The following SRPRA variants were observed in gnomAD, a reference collection of about 807,000 sequenced individuals.
The protein encoded by SRPRA is SRP receptor subunit alpha.
Under a neutral mutation model 61.1 loss-of-function variants are expected in SRPRA, and 30 were observed. That is an observed-to-expected ratio of 0.49 (90% confidence interval 0.37 to 0.67). The LOEUF (loss-of-function observed/expected upper bound fraction) is 0.67. SRPRA is among the 30% of genes least tolerant of loss of function. The pLI, the probability that SRPRA is intolerant of heterozygous loss-of-function variation, is 0.00. For missense variants in SRPRA, 759 were observed against 828.4 expected, an observed-to-expected ratio of 0.92 and a Z score of 1.03; for synonymous variants, 324 against 299.7, an observed-to-expected ratio of 1.08 and a Z score of -0.84.
At position 126,265,039 on chromosome 11, in the gene SRPRA, C is replaced by A; in HGVS notation, c.1445G>T (p.Gly482Val). 6.2e-7 allele frequency: 1 copy of A among 1,614,212 alleles called. No homozygotes were observed. The highest frequency in any genetic ancestry group is 8.5e-7 in the Non-Finnish European group (1 of 1,180,042). The change falls in exon 11 of 14, where the codon GGT becomes GTT. Residue 482 changes from glycine (G) to valine (V), a missense_variant. Transcript: ENST00000332118. This position sits in a 1 kb window ranked among gnomAD's most constrained non-coding sequence, Gnocchi z 6.3. ...AAACAACTGCACCATGGTGCGGCCA[C>A]CATGCTTCTCTGGAGGGTGTAGGGC... ...LSALHPPEKH[G>V]GRTMVQLFEK...
chr11:126,264,472 C>G lies in SRPRA; in HGVS notation c.1593G>C (p.Leu531=). The G allele has an allele frequency of 6.2e-7, 1 of 1,614,142 alleles. No homozygotes were observed. The highest frequency in any genetic ancestry group is 8.5e-7 in the Non-Finnish European group (1 of 1,180,048). The change falls in exon 12 of 14, where the codon CTG becomes CTC. Residue 531 remains leucine, a synonymous_variant. Transcript: ENST00000332118. This position sits in a 1 kb window ranked among gnomAD's most constrained non-coding sequence, Gnocchi z 5.0. ...TAATGAGTTTGGCCAGGGCAGTCAT[C>G]AGAGGGGCATTGTCTTGCATGCGGC... ...TAGRMQDNAP[L]MTALAKLITV...
chr11:126,252,760 C>T, the SRPRA span, among the ~76,000 whole-genome samples: 1 of 152,060 alleles, frequency 6.6e-6, no homozygotes, highest in Non-Finnish European at 1.5e-5. This position sits in a 1 kb window ranked among gnomAD's most constrained non-coding sequence, Gnocchi z 4.7. Context: ...ATAGGCTGGG[C>T]ACAGTGGTTC....
the SRPRA span, among the ~76,000 whole-genome samples, chr11:126,236,002 A>C: frequency 6.6e-6 from 1 of 152,216 alleles, no homozygotes; most frequent in South Asian, 2.1e-4. Flanking sequence ...ACAGAAGAAT[A>C]AATCTCCTAG....
the SRPRA span, among the ~76,000 whole-genome samples, chr11:126,253,550 G>A: frequency 1.3e-4 from 20 of 152,134 alleles, no homozygotes; most frequent in African/African-American, 3.9e-4. The surrounding 1 kb of genome is among the most constrained non-coding windows in gnomAD (Gnocchi z 5.1). Flanking sequence ...AGTAATGGCC[G>A]TGAAACTTTG....
chr11:126,261,827 A>C (rs1368376018), downstream of SRPRA, among the ~76,000 whole-genome samples: 1 of 151,676 alleles, frequency 6.6e-6, no homozygotes, highest in Non-Finnish European at 1.5e-5. Flanking sequence ...TGTTTCTACA[A>C]AAAAAATTTT....
the SRPRA span, among the ~76,000 whole-genome samples, chr11:126,246,968 G>A: frequency 7.7e-6 from 1 of 130,584 alleles, no homozygotes; most frequent in East Asian, 2.3e-4. Flanking sequence ...TCCAGCCTGG[G>A]AAACAAAGCG....
In SRPRA at chr11:126,267,040, A is replaced by G; in HGVS notation, c.527-118T>C. On this transcript the variant is annotated intron_variant, in intron 4 of 13. Coordinates refer to ENST00000332118, the MANE Select transcript of SRPRA (RefSeq NM_003139.4). The surrounding 1 kb of genome is among the most constrained non-coding windows in gnomAD (Gnocchi z 4.2). Reference sequence around the variant, plus strand: ...TGGACCAAACATCTTGGAGTTCATAAGGCCTGGGGATTATAGGATGGTGAC... The same window carrying G: ...TGGACCAAACATCTTGGAGTTCATAGGGCCTGGGGATTATAGGATGGTGAC... The G allele has an allele frequency of 1.3e-6, 2 of 1,520,360 alleles. No homozygotes were observed. 94.2% of individuals were successfully genotyped at this position (1,520,360 alleles called of 1,614,324 possible).
At chr11:126,237,730 G>T in the SRPRA span, among the ~76,000 whole-genome samples, 2 of 145,946 alleles carry the variant, frequency 1.4e-5, no homozygotes, top group Non-Finnish European at 3.0e-5. Flanking sequence ...GGTGGCGCGT[G>T]CCTGTAATCC....
At chr11:126,251,498 G>A in the SRPRA span, among the ~76,000 whole-genome samples, 1 of 152,108 alleles carries the variant, frequency 6.6e-6, no homozygotes, top group Admixed American at 6.6e-5. Flanking sequence ...AGGATTTAAA[G>A]GGAATTGAAT....
the SRPRA span, chr11:126,256,472 C>G: frequency 8.6e-7 from 1 of 1,157,516 alleles, no homozygotes; most frequent in South Asian, 1.5e-5. This position sits in a 1 kb window ranked among gnomAD's most constrained non-coding sequence, Gnocchi z 6.6. Context: ...CTTAATTGGT[C>G]ATCACAGTCT....
At chr11:126,252,144 G>A in the SRPRA span, among the ~76,000 whole-genome samples, 18 of 151,730 alleles carry the variant, frequency 1.2e-4, no homozygotes, top group Admixed American at 7.2e-4. This position sits in a 1 kb window ranked among gnomAD's most constrained non-coding sequence, Gnocchi z 4.7. Context: ...CCGCCATCAC[G>A]TCTGGCTAAT....
rs1950807973 is a variant in SRPRA, at chr11:126,266,264, C to G, written c.855G>C (p.Gly285=). 6.2e-7 allele frequency: 1 copy of G among 1,614,186 alleles called. No individual in the cohort carries two copies. The highest frequency in any genetic ancestry group is 1.1e-5 in the South Asian group (1 of 91,088). ...SEDINLIRGT[G]SGGQLQDLDC... The stretch of plus-strand genomic sequence containing the variant: ...CCAGATCCTGAAGCTGCCCCCCAGA[C>G]CCAGTCCCTCGAATCTGGAAGATAC... Residue 285 remains glycine (G), a synonymous_variant, in exon 7 of 14, where the codon GGG becomes GGC. Transcript: ENST00000332118.
rs1950785526 is a variant in SRPRA, at chr11:126,265,310, G to A, written c.1269C>T (p.Phe423=). 10 of 1,614,050 alleles carry A rather than the reference G, an allele frequency of 6.2e-6. No individual in the cohort carries two copies. The highest frequency in any genetic ancestry group is 8.5e-6 in the Non-Finnish European group (10 of 1,180,044). Residue 423 remains phenylalanine, a synonymous_variant, in exon 10 of 14, where the codon TTC becomes TTT. Coordinates refer to ENST00000332118, the MANE Select transcript of SRPRA (RefSeq NM_003139.4). The surrounding 1 kb of genome is among the most constrained non-coding windows in gnomAD (Gnocchi z 6.3). ...QRRQRPYVVT[F]CGVNGVGKST... ...ATTTCCCCACTCCATTAACGCCGCA[G>A]AAGGTGACGACATAAGGGCGCTGGC...
the SRPRA span, among the ~76,000 whole-genome samples, chr11:126,243,130 A>T: frequency 5.9e-5 from 9 of 152,366 alleles, no homozygotes; most frequent in South Asian, 1.0e-3. Context: ...GATTCCATTC[A>T]TATAAAATGT....
Position 126,267,523 on chromosome 11 carries a change from G to C in SRPRA, c.365+26C>G, listed in dbSNP as rs764270192. 1.2e-6 allele frequency: 2 copies of C among 1,612,610 alleles called. No individual in the cohort carries two copies. Among genetic ancestry groups the C allele is most frequent in the African/African-American group, 2.7e-5 (2 of 74,806 alleles). Reference sequence around the variant, plus strand: ...GGTCATCAAATCATGGAAATAAATTGATTTTAGAGAAGGCAGGTCTCTCAC... The same window carrying C: ...GGTCATCAAATCATGGAAATAAATTCATTTTAGAGAAGGCAGGTCTCTCAC... On this transcript the variant is annotated intron_variant, in intron 3 of 13. Transcript: ENST00000332118. The surrounding 1 kb of genome is among the most constrained non-coding windows in gnomAD (Gnocchi z 4.2).
At chr11:126,257,485 G>A in the SRPRA span, among the ~76,000 whole-genome samples, 109 of 151,766 alleles carry the variant, frequency 7.2e-4, no homozygotes, top group South Asian at 1.2e-3. Flanking sequence ...GAAATACAAT[G>A]AAACCATAGA....
Position 126,264,846 on chromosome 11 carries a change from G to T in SRPRA, c.1525+113C>A. ...CAAGTAACTGATCTGACTTTTTACT[G>T]TAATTGACCAACGAGTCTGTAGTAG... On this transcript the variant is annotated intron_variant, in intron 11 of 13. Coordinates refer to ENST00000332118, the MANE Select transcript of SRPRA (RefSeq NM_003139.4). This position sits in a 1 kb window ranked among gnomAD's most constrained non-coding sequence, Gnocchi z 5.0. 9.5e-7 allele frequency: 1 copy of T among 1,056,164 alleles called. No individual in the cohort carries two copies. Among genetic ancestry groups the T allele is most frequent in the Non-Finnish European group, 1.3e-6 (1 of 746,590 alleles). 65.4% of individuals were successfully genotyped at this position (1,056,164 alleles called of 1,614,324 possible). A position where few individuals can be genotyped will look rare whatever the true frequency, so the allele number is the denominator to read the frequency against.
chr11:126,236,405 T>A, the SRPRA span, among the ~76,000 whole-genome samples: 1 of 152,232 alleles, frequency 6.6e-6, no homozygotes, highest in Non-Finnish European at 1.5e-5. Flanking sequence ...CCTGCCAAAA[T>A]AGCCACTCTG....
chr11:126,250,284 G>T, the SRPRA span, among the ~76,000 whole-genome samples: 1 of 151,952 alleles, frequency 6.6e-6, no homozygotes, highest in Non-Finnish European at 1.5e-5. This position sits in a 1 kb window ranked among gnomAD's most constrained non-coding sequence, Gnocchi z 5.1. Flanking sequence ...GTAGAGACGG[G>T]GTTTCACCGT....
Sources: allele counts gnomAD v4.1 joint callset (sites outside exome capture counted in the v4.1 genomes callset), GRCh38; gene constraint gnomAD v4.1.1; non-coding constraint Gnocchi (gnomAD v3.1); transcripts MANE v1.5; gene names NCBI Gene and HGNC (gene_info 2026-07-23, HGNC 2026-07-21).